Variants in ABCC1 observed in about 807,000 individuals in gnomAD.
ABCC1 encodes multidrug resistance-associated protein 1.
ABCC1 carries 83 observed loss-of-function variants against 172.9 expected under a neutral mutation model. That is an observed-to-expected ratio of 0.48 (90% CI 0.40 to 0.58). The LOEUF (loss-of-function observed/expected upper bound fraction) is 0.58. Among genes scored for constraint, ABCC1 ranks in the 20% least tolerant of loss-of-function variants. The probability of loss-of-function intolerance (pLI) is 0.00; values close to 1 mark genes in which losing one functional copy is unlikely to be tolerated. For synonymous variants in ABCC1, 937 were observed against 825.2 expected, an observed-to-expected ratio of 1.14 and a Z score of -2.32; for missense variants, 1,817 against 2,002.7, an observed-to-expected ratio of 0.91 and a Z score of 1.77.
intron 14 of ABCC1, among the ~76,000 whole-genome samples, chr16:16,074,108 G>T (rs1446170505): frequency 6.6e-6 from 1 of 152,176 alleles, no homozygotes; most frequent in Non-Finnish European, 1.5e-5. Context: ...GGGCGCTACT[G>T]ACATCTGGAG....
intron 5 of ABCC1, among the ~76,000 whole-genome samples, chr16:16,019,243 A>G (rs998355143): frequency 6.6e-6 from 1 of 152,084 alleles, no homozygotes; most frequent in African/African-American, 2.4e-5. Flanking sequence ...AGCTGGGATT[A>G]CAGGCGCCCA....
intron 18 of ABCC1, 30 bp from the exon 19 acceptor site, chr16:16,090,375 C>A (rs2074087): frequency 1.3e-6 from 2 of 1,552,420 alleles, no homozygotes; most frequent in Non-Finnish European, 8.7e-7. Context: ...CATGTGCACT[C>A]ACGTGGCCGG....
chr16:16,067,888 G>T (rs2050171939), intron 12 of ABCC1, among the ~76,000 whole-genome samples: 1 of 152,168 alleles, frequency 6.6e-6, no homozygotes, highest in African/African-American at 2.4e-5. Flanking sequence ...TACTAAGAAT[G>T]CCCCTCTAGG....
chr16:16,112,276 T>G (rs1194802132), intron 22 of ABCC1, among the ~76,000 whole-genome samples: 8 of 152,018 alleles, frequency 5.3e-5, no homozygotes, highest in Non-Finnish European at 1.2e-4. Flanking sequence ...GTCACAAGAT[T>G]GCTTGAGCCC....
Position 16,111,697 on chromosome 16 carries a change from A to C in ABCC1, c.3079+115A>C. 5 of 902,384 alleles carry C rather than the reference A, an allele frequency of 5.5e-6. No homozygotes were observed. The South Asian group carries it at 8.5e-5, about 15-fold the overall frequency. The allele number at this position is 902,384 out of a possible 1,614,324, so 55.9% of individuals were successfully genotyped here. A position where few individuals can be genotyped will look rare whatever the true frequency, so the allele number is the denominator to read the frequency against. On this transcript the variant is annotated intron_variant, in intron 22 of 30. Coordinates refer to ENST00000399410, the MANE Select transcript of ABCC1 (RefSeq NM_004996.4). Reference sequence around the variant, plus strand: ...TTTTGTGGGACCCCAAACCAAGCCAAACCCAGAAAAATGGTAGCTGTCAGC... The same window carrying C: ...TTTTGTGGGACCCCAAACCAAGCCACACCCAGAAAAATGGTAGCTGTCAGC...
At chr16:16,018,886 C>G (rs1219610838) in intron 5 of ABCC1, among the ~76,000 whole-genome samples, 1 of 151,832 alleles carries the variant, frequency 6.6e-6, no homozygotes, top group African/African-American at 2.4e-5. Flanking sequence ...GCCTGTAATC[C>G]CAGCACTTTG....
chr16:15,976,759 C>A (rs2046502319), intron 1 of ABCC1, among the ~76,000 whole-genome samples: 1 of 152,174 alleles, frequency 6.6e-6, no homozygotes, highest in African/African-American at 2.4e-5. Flanking sequence ...GCAAACTCAA[C>A]CCCTAACGAG....
chr16:16,134,795 C>A (rs1004732975), intron 28 of ABCC1, among the ~76,000 whole-genome samples: 1 of 152,156 alleles, frequency 6.6e-6, no homozygotes, highest in Admixed American at 6.5e-5. Context: ...TGCCACCACA[C>A]CCAGCTAAAT....
intron 27 of ABCC1, among the ~76,000 whole-genome samples, chr16:16,133,396 G>GTT (rs201825890): frequency 2.0e-5 from 3 of 148,644 alleles, no homozygotes; most frequent in Non-Finnish European, 4.4e-5. Flanking sequence ...TTTTGTTTTT[G>GTT]TTTTTGTTTT....
intron 1 of ABCC1, among the ~76,000 whole-genome samples, chr16:15,967,769 A>C (rs368436410): frequency 0.15 from 23,265 of 150,398 alleles, 2,039 homozygotes; most frequent in Non-Finnish European, 0.19. Context: ...AAAAAAAAAA[A>C]AAACAACAAA....
At chr16:16,031,581 T>A (rs891300045) in intron 5 of ABCC1, among the ~76,000 whole-genome samples, 7 of 152,196 alleles carry the variant, frequency 4.6e-5, no homozygotes, top group African/African-American at 1.4e-4. Flanking sequence ...TGTAGACTAC[T>A]CAGGCCCCTT....
In ABCC1 at chr16:16,008,762, G is replaced by A. The variant is rs762096515; in HGVS notation, c.225+770G>A. ...GGAGGCTGAGGTGGGAGGATCCCTT[G>A]AACCCAGGAGGCAGAGGTTGCAGTG... On this transcript the variant is annotated intron_variant, in intron 2 of 30. Coordinates refer to ENST00000399410, the MANE Select transcript of ABCC1 (RefSeq NM_004996.4). Among the ~76,000 whole-genome samples the A allele has an allele frequency of 4.5e-4, 66 of 146,742 alleles. 1 individual carries two copies. The highest frequency in any genetic ancestry group is 8.9e-4 in the Non-Finnish European group (60 of 67,422).
At chr16:16,105,224 C>T (rs2052025194) in intron 20 of ABCC1, among the ~76,000 whole-genome samples, 1 of 152,204 alleles carries the variant, frequency 6.6e-6, no homozygotes, top group Non-Finnish European at 1.5e-5. Flanking sequence ...GTGGGAGACT[C>T]CAGACAGTGC....
chr16:15,953,658 TG>T (rs1452131902), intron 1 of ABCC1, among the ~76,000 whole-genome samples: 1 of 152,168 alleles, frequency 6.6e-6, no homozygotes, highest in African/African-American at 2.4e-5. Flanking sequence ...TTGCACCAAC[TG>T]CCACTGGAGA....
At chr16:16,140,979 G>A (rs1190249040) in intron 30 of ABCC1, among the ~76,000 whole-genome samples, 194 bp from the exon 31 acceptor site, 1 of 152,190 alleles carries the variant, frequency 6.6e-6, no homozygotes, top group Non-Finnish European at 1.5e-5. Context: ...TTAAGGAGCT[G>A]GCCTCATGGG....
intron 1 of ABCC1, among the ~76,000 whole-genome samples, chr16:15,994,008 A>T (rs2046965699): frequency 6.6e-6 from 1 of 152,026 alleles, no homozygotes; most frequent in African/African-American, 2.4e-5. Context: ...AGGCGGGCAG[A>T]CTGAGTTCAA....
Position 16,131,763 on chromosome 16 carries a change from ACTCTCTCCCTT to A in ABCC1, c.3820-24_3820-14del, listed in dbSNP as rs562665328. 993 of 1,608,662 alleles carry A rather than the reference ACTCTCTCCCTT, an allele frequency of 6.2e-4. 11 individuals carry two copies. In the East Asian group the frequency reaches 0.018, roughly 29 times the overall value. ...TTACCAGATGGACTGGAAATTCCTT[ACTCTCTCCCTT>A]CACTGCGATCGAAGGCGCCCTGGCA... On this transcript the variant is annotated splice_polypyrimidine_tract_variant and intron_variant, in intron 26 of 30. Coordinates refer to ENST00000399410, the MANE Select transcript of ABCC1 (RefSeq NM_004996.4).
At chr16:16,117,309 T>G (rs117358110) in intron 23 of ABCC1, among the ~76,000 whole-genome samples, 862 of 152,218 alleles carry the variant, frequency 5.7e-3, no homozygotes, top group Non-Finnish European at 7.8e-3. Context: ...AGCCCCCTTA[T>G]AAAACCATCA....
chr16:16,092,111 G>A (rs1021869322), intron 19 of ABCC1, among the ~76,000 whole-genome samples: 43 of 152,280 alleles, frequency 2.8e-4, no homozygotes, highest in African/African-American at 8.7e-4. Context: ...GGTGGCGCAC[G>A]CCTATAGGCC....
Sources: gnomAD v4.1 joint callset for allele counts (sites outside exome capture counted in the v4.1 genomes callset) on GRCh38, gnomAD v4.1.1 for gene constraint, MANE v1.5 for transcripts, NCBI Gene and HGNC (gene_info 2026-07-23, HGNC 2026-07-21) for gene names.